SYT1: variants seen among roughly 807,000 people sequenced by gnomAD.
The protein encoded by SYT1 is synaptotagmin-1.
A neutral mutation model predicts 44.8 loss-of-function variants in SYT1; 8 were observed. The ratio of observed to expected loss-of-function variants is 0.18; its 90% CI spans 0.10 to 0.32. The LOEUF is 0.32. Among genes scored for constraint, SYT1 ranks in the 10% least tolerant of loss-of-function variants. The pLI is 1.00. For missense variants in SYT1, 286 were observed against 509.3 expected (o/e 0.56, Z 4.22); for synonymous variants, 154 against 188.8 (o/e 0.82, Z 1.51).
chr12:79,385,534 T>G (rs1296463081), intron 9 of SYT1, among the ~76,000 whole-genome samples: 3 of 152,188 alleles, frequency 2.0e-5, no homozygotes, highest in Admixed American at 6.5e-5. Flanking sequence ...ACAATTAAAA[T>G]TAAAATTATG....
At chr12:78,881,248 A>G (rs963411288) in intron 1 of SYT1, among the ~76,000 whole-genome samples, 3 of 151,518 alleles carry the variant, frequency 2.0e-5, no homozygotes, top group African/African-American at 7.3e-5. Context: ...ACCCTTAACT[A>G]CATCAATTTT....
intron 1 of SYT1, among the ~76,000 whole-genome samples, chr12:78,890,407 G>A (rs1257399283): frequency 6.6e-6 from 1 of 151,848 alleles, no homozygotes; most frequent in African/African-American, 2.4e-5. Flanking sequence ...CGGGAGCGGG[G>A]AAGGATAGCA....
intron 3 of SYT1, among the ~76,000 whole-genome samples, chr12:79,166,093 T>C (rs1368537068): frequency 6.6e-6 from 1 of 152,038 alleles, no homozygotes; most frequent in Non-Finnish European, 1.5e-5. Flanking sequence ...GATTTGATTA[T>C]TCAAAACGTG....
At chr12:79,417,948 A>G (rs563149905) in intron 9 of SYT1, among the ~76,000 whole-genome samples, 9 of 152,216 alleles carry the variant, frequency 5.9e-5, no homozygotes, top group African/African-American at 2.2e-4. Flanking sequence ...TTCCCAGGCA[A>G]TGCTGGGAAC....
At chr12:78,995,544 C>A (rs372910237) in intron 2 of SYT1, among the ~76,000 whole-genome samples, 5 of 152,320 alleles carry the variant, frequency 3.3e-5, no homozygotes, top group East Asian at 1.9e-4. Flanking sequence ...TAAGCAACAG[C>A]AGTCTCAAGA....
intron 4 of SYT1, among the ~76,000 whole-genome samples, chr12:79,222,823 T>G (rs1875257299): frequency 6.6e-6 from 1 of 152,174 alleles, no homozygotes. Flanking sequence ...CTCTGACTAT[T>G]TTTAAATAGG....
chr12:79,053,570 A>T (rs892519869), intron 3 of SYT1, among the ~76,000 whole-genome samples: 2 of 149,230 alleles, frequency 1.3e-5, no homozygotes, highest in African/African-American at 4.9e-5. Context: ...AAAATAATGC[A>T]TATTAACTTT....
At chr12:79,284,790 G>A (rs1463860646) in intron 4 of SYT1, among the ~76,000 whole-genome samples, 1 of 148,236 alleles carries the variant, frequency 6.7e-6, no homozygotes, top group Non-Finnish European at 1.5e-5. Context: ...AGTGAGCCGA[G>A]ATCGTGCCAC....
chr12:79,115,947 TGA>T (rs1474048588), intron 3 of SYT1, among the ~76,000 whole-genome samples: 3 of 152,180 alleles, frequency 2.0e-5, no homozygotes, highest in Non-Finnish European at 2.9e-5. Flanking sequence ...CCCCACACCC[TGA>T]AAGCTATAAT....
intron 3 of SYT1, among the ~76,000 whole-genome samples, chr12:79,120,152 T>C (rs1227900737): frequency 6.6e-6 from 1 of 152,074 alleles, no homozygotes; most frequent in Non-Finnish European, 1.5e-5. Flanking sequence ...AATATATATA[T>C]ATTTACCCAA....
intron 1 of SYT1, chr12:78,868,934 A>T (rs550296900): frequency 6.6e-6 from 1 of 151,962 alleles, no homozygotes; most frequent in Non-Finnish European, 1.5e-5. Flanking sequence ...TTGAAATCAT[A>T]TTTTTACATG....
intron 3 of SYT1, among the ~76,000 whole-genome samples, chr12:79,143,952 T>A (rs113407250): frequency 2.7e-4 from 41 of 152,326 alleles, no homozygotes; most frequent in African/African-American, 9.9e-4. Flanking sequence ...TGCGGTCCTC[T>A]GCTGTGATGT....
At chr12:79,323,368 C>T (rs1398990710) in intron 8 of SYT1, among the ~76,000 whole-genome samples, 1 of 152,152 alleles carries the variant, frequency 6.6e-6, no homozygotes, top group Non-Finnish European at 1.5e-5. Flanking sequence ...TGCTGACATT[C>T]CTGGGCAAGT....
intron 2 of SYT1, among the ~76,000 whole-genome samples, chr12:78,984,365 T>G (rs930171713): frequency 1.3e-5 from 2 of 151,990 alleles, no homozygotes; most frequent in Non-Finnish European, 2.9e-5. Flanking sequence ...TGTATTTTAT[T>G]TATTAATCTA....
intron 3 of SYT1, among the ~76,000 whole-genome samples, chr12:79,066,600 T>C (rs1875879482): frequency 6.6e-6 from 1 of 152,116 alleles, no homozygotes. Context: ...GCAGTAAATA[T>C]TGTGAATTAT....
chr12:79,094,908 T>C (rs548707025), intron 3 of SYT1, among the ~76,000 whole-genome samples: 2 of 152,036 alleles, frequency 1.3e-5, no homozygotes, highest in East Asian at 3.9e-4. Flanking sequence ...TACAGGCTGC[T>C]GAAAATCCAA....
At chr12:79,399,894 G>C (rs1035343941) in intron 9 of SYT1, among the ~76,000 whole-genome samples, 4 of 152,056 alleles carry the variant, frequency 2.6e-5, no homozygotes, top group African/African-American at 9.7e-5. Context: ...TTTTCTTAAG[G>C]AATAAAATTG....
At chr12:79,184,560 T>G (rs1012185278) in intron 3 of SYT1, among the ~76,000 whole-genome samples, 1 of 152,010 alleles carries the variant, frequency 6.6e-6, no homozygotes, top group Admixed American at 6.6e-5. Flanking sequence ...AGCATGGGCA[T>G]TACAAAGATT....
At chr12:79,103,173 T>A (rs1337918674) in intron 3 of SYT1, 1 of 152,174 alleles carries the variant, frequency 6.6e-6, no homozygotes, top group Non-Finnish European at 1.5e-5. Context: ...GGCAATTTTT[T>A]ATTACCTATT....
Sources: allele counts gnomAD v4.1 joint callset (sites outside exome capture counted in the v4.1 genomes callset), GRCh38; gene constraint gnomAD v4.1.1; transcripts MANE v1.5; gene names NCBI Gene and HGNC (gene_info 2026-07-23, HGNC 2026-07-21).